The following GLIS1 variants were observed in gnomAD, a reference collection of about 807,000 sequenced individuals.
The protein encoded by GLIS1 is GLIS family zinc finger 1, also known as zinc finger protein GLIS1.
In GLIS1, 24 loss-of-function variants were observed where a neutral mutation model predicts 63.8. The ratio of observed to expected loss-of-function variants is 0.38; its 90% CI spans 0.27 to 0.53. The LOEUF (loss-of-function observed/expected upper bound fraction) is 0.53. Ranked by LOEUF, GLIS1 falls within the 20% of genes least tolerant of loss-of-function variation. The probability of loss-of-function intolerance (pLI) is 0.85; values close to 1 mark genes in which losing one functional copy is unlikely to be tolerated. For missense variants in GLIS1, 1,036 were observed against 1,074.1 expected (o/e 0.96, Z 0.50); for synonymous variants, 450 against 482.5 (o/e 0.93, Z 0.88).
intron 2 of GLIS1, among the ~76,000 whole-genome samples, chr1:53,621,409 C>T (rs535029582): frequency 6.6e-6 from 1 of 152,364 alleles, no homozygotes; most frequent in East Asian, 1.9e-4. Context: ...CCTCACAGCC[C>T]GGCCCCAGAC....
intron 2 of GLIS1, among the ~76,000 whole-genome samples, chr1:53,705,847 G>A (rs761061961): frequency 1.3e-5 from 2 of 152,216 alleles, no homozygotes; most frequent in Non-Finnish European, 2.9e-5. Context: ...CTGCCACTGA[G>A]CTTTCCCATC....
chr1:53,541,608 G>A (rs1312791419), intron 4 of GLIS1, among the ~76,000 whole-genome samples: 2 of 152,250 alleles, frequency 1.3e-5, no homozygotes, highest in African/African-American at 4.8e-5. Flanking sequence ...ACGCACTCAA[G>A]TTAGGGAAGG....
intron 2 of GLIS1, 115 bp from the exon 3 acceptor site, chr1:53,600,393 C>A: frequency 2.0e-6 from 1 of 490,360 alleles, no homozygotes; most frequent in Non-Finnish European, 3.2e-6. Context: ...CCAGAGCCAA[C>A]ACTCACTGCA....
chr1:53,540,360 C>T (rs1257030561), intron 4 of GLIS1, among the ~76,000 whole-genome samples: 1 of 152,134 alleles, frequency 6.6e-6, no homozygotes, highest in Non-Finnish European at 1.5e-5. Flanking sequence ...ACGGTCTCTC[C>T]AGGCCTCCAG....
intron 4 of GLIS1, among the ~76,000 whole-genome samples, chr1:53,540,074 G>A (rs901537642): frequency 6.6e-6 from 1 of 152,238 alleles, no homozygotes; most frequent in African/African-American, 2.4e-5. Flanking sequence ...CTGTCATCCC[G>A]ATGCTGCGGC....
At chr1:53,618,837 C>T (rs1281625092) in intron 2 of GLIS1, among the ~76,000 whole-genome samples, 1 of 152,218 alleles carries the variant, frequency 6.6e-6, no homozygotes, top group East Asian at 1.9e-4. Context: ...CTTTTTCACA[C>T]TTGAGGTCAA....
intron 4 of GLIS1, among the ~76,000 whole-genome samples, chr1:53,588,081 C>T (rs958008989): frequency 7.9e-5 from 12 of 152,112 alleles, no homozygotes; most frequent in African/African-American, 1.7e-4. Flanking sequence ...AGATCATGCA[C>T]GTGGAAGCAC....
intron 2 of GLIS1, among the ~76,000 whole-genome samples, chr1:53,705,526 T>C (rs1034774659): frequency 6.6e-6 from 1 of 152,172 alleles, no homozygotes; most frequent in Non-Finnish European, 1.5e-5. Flanking sequence ...AAACAACTGG[T>C]AAGCTAGTTA....
chr1:53,635,451 T>C (rs1050398806), intron 2 of GLIS1, among the ~76,000 whole-genome samples: 19 of 152,114 alleles, frequency 1.2e-4, no homozygotes, highest in Admixed American at 8.5e-4. Context: ...AATATGGCTA[T>C]CATATTCCCT....
At chr1:53,515,220 G>C (rs1297330490) in intron 7 of GLIS1, among the ~76,000 whole-genome samples, 1 of 152,124 alleles carries the variant, frequency 6.6e-6, no homozygotes, top group Non-Finnish European at 1.5e-5. Context: ...AGCAGACAGA[G>C]ACCCAGGAAT....
At chr1:53,736,991 G>C (rs200935558) in intron 2 of GLIS1, among the ~76,000 whole-genome samples, 1 of 139,626 alleles carries the variant, frequency 7.2e-6, no homozygotes, top group East Asian at 2.1e-4. Context: ...GAAAAAAAAA[G>C]GGGGGAGGAC....
intron 2 of GLIS1, among the ~76,000 whole-genome samples, chr1:53,730,359 A>G (rs1349363969): frequency 1.3e-4 from 20 of 152,162 alleles, no homozygotes; most frequent in Admixed American, 1.3e-3. Context: ...ACAAACTTCT[A>G]CTAGGTATTA....
At chr1:53,542,140 G>A (rs1488071334) in intron 4 of GLIS1, among the ~76,000 whole-genome samples, 13 of 152,232 alleles carry the variant, frequency 8.5e-5, no homozygotes, top group Non-Finnish European at 7.3e-5. Context: ...CTCAGCCAGA[G>A]GAGCCCCCTG....
intron 4 of GLIS1, among the ~76,000 whole-genome samples, chr1:53,542,740 C>A (rs1035934183): frequency 8.5e-5 from 13 of 152,202 alleles, no homozygotes; most frequent in Admixed American, 7.2e-4. Context: ...CCTGGGGCTA[C>A]GCCCTGGGGG....
chr1:53,519,523 C>A (rs536842338), intron 7 of GLIS1, among the ~76,000 whole-genome samples: 1 of 152,352 alleles, frequency 6.6e-6, no homozygotes, highest in Admixed American at 6.5e-5. Context: ...ACTGTGGTTT[C>A]TTTAGGGGAG....
chr1:53,571,375 C>A (rs538950868), intron 4 of GLIS1, among the ~76,000 whole-genome samples: 1 of 152,294 alleles, frequency 6.6e-6, no homozygotes, highest in South Asian at 2.1e-4. Context: ...TTTCTAGGCA[C>A]ACATTCTAGT....
intron 2 of GLIS1, among the ~76,000 whole-genome samples, chr1:53,644,675 C>A (rs946164335): frequency 6.6e-6 from 1 of 152,088 alleles, no homozygotes; most frequent in African/African-American, 2.4e-5. Flanking sequence ...GGGACCAGGG[C>A]CCGGAGGAGG....
At chr1:53,545,391 G>A (rs111332245) in intron 4 of GLIS1, among the ~76,000 whole-genome samples, 19 of 152,330 alleles carry the variant, frequency 1.2e-4, no homozygotes, top group African/African-American at 4.1e-4. Flanking sequence ...GCATCATGGG[G>A]CAGACTGTCA....
chr1:53,602,657 G>C (rs1402315373), intron 2 of GLIS1, among the ~76,000 whole-genome samples: 1 of 152,200 alleles, frequency 6.6e-6, no homozygotes, highest in Non-Finnish European at 1.5e-5. Context: ...GGCAGGGGCA[G>C]GACAGCCATT....
Sources: allele counts gnomAD v4.1 joint callset (sites outside exome capture counted in the v4.1 genomes callset), GRCh38; gene constraint gnomAD v4.1.1; transcripts MANE v1.5; gene names NCBI Gene and HGNC (gene_info 2026-07-23, HGNC 2026-07-21).